The following VWA5B1 variants were observed in gnomAD, a reference collection of about 807,000 sequenced individuals.
VWA5B1 encodes von Willebrand factor A domain-containing protein 5B1.
A neutral mutation model predicts 118.2 loss-of-function variants in VWA5B1; 115 were observed. The ratio of observed to expected loss-of-function variants is 0.97; its 90% CI spans 0.84 to 1.14. The LOEUF (loss-of-function observed/expected upper bound fraction) is 1.14, where lower values mean the gene tolerates loss of function less well. VWA5B1 is among the 50% of genes most tolerant of loss of function. VWA5B1 has a pLI of 0.00. For synonymous variants in VWA5B1, 682 were observed against 658.4 expected (o/e 1.04, Z -0.55); for missense variants, 1,596 against 1,603.8 (o/e 1.00, Z 0.08).
chr1:20,324,830 C>T (rs911425774), intron 8 of VWA5B1, among the ~76,000 whole-genome samples: 4 of 152,184 alleles, frequency 2.6e-5, no homozygotes, highest in Admixed American at 6.5e-5. Context: ...TTTGAAGTCT[C>T]ATGACACAGG....
intron 5 of VWA5B1, 34 bp from the exon 6 acceptor site, chr1:20,318,556 G>A (rs764722404): frequency 1.3e-6 from 2 of 1,550,406 alleles, no homozygotes; most frequent in South Asian, 2.4e-5. Flanking sequence ...GACCTCATGA[G>A]CCTATATCCC....
rs1279204015 is a variant in VWA5B1 at position 20,330,292 on chromosome 1, A to G, written c.1367A>G (p.His456Arg). 1 of 1,551,620 alleles carries G rather than the reference A, an allele frequency of 6.4e-7. No homozygotes were observed. ...WVIRQPVHRGHPRLLFVITDG... is the reference protein window; with the variant it reads ...WVIRQPVHRGRPRLLFVITDG... Reference sequence around the variant, plus strand: ...ATCAGGCAGCCAGTGCACCGAGGCCACCCGCGGCTCCTCTTCGTGATCACA... The same window carrying G: ...ATCAGGCAGCCAGTGCACCGAGGCCGCCCGCGGCTCCTCTTCGTGATCACA... Residue 456 changes from histidine to arginine, a missense_variant, in exon 10 of 22, where the codon CAC becomes CGC. Transcript: ENST00000289815.
intron 13 of VWA5B1, 75 bp downstream of exon 13, chr1:20,336,561 C>T: frequency 7.0e-6 from 9 of 1,278,718 alleles, no homozygotes; most frequent in African/African-American, 1.5e-5. Context: ...TAAAAACCAC[C>T]TCATTGAATA....
At chr1:20,327,710 C>G (rs1357508439) in intron 8 of VWA5B1, among the ~76,000 whole-genome samples, 180 bp from the exon 9 acceptor site, 1 of 151,798 alleles carries the variant, frequency 6.6e-6, no homozygotes, top group East Asian at 1.9e-4. Flanking sequence ...TTGGTCCAGC[C>G]TCTGGTCAGT....
intron 9 of VWA5B1, among the ~76,000 whole-genome samples, chr1:20,328,593 C>T (rs893293489): frequency 1.3e-5 from 2 of 152,104 alleles, no homozygotes. Context: ...CACTTTTCAA[C>T]TAAAAATAAT....
chr1:20,295,968 T>G (rs1468562380), intron 1 of VWA5B1, among the ~76,000 whole-genome samples: 1 of 152,208 alleles, frequency 6.6e-6, no homozygotes, highest in African/African-American at 2.4e-5. Flanking sequence ...GTTCAAGTGA[T>G]TCTCCTGCCT....
At chr1:20,322,818 T>G (rs1249209204) in intron 7 of VWA5B1, among the ~76,000 whole-genome samples, 1 of 152,134 alleles carries the variant, frequency 6.6e-6, no homozygotes, top group African/African-American at 2.4e-5. Context: ...ACTAAGTAAT[T>G]AAGTCCACCT....
At chr1:20,294,549 G>A (rs1185473913) in intron 1 of VWA5B1, among the ~76,000 whole-genome samples, 2 of 152,014 alleles carry the variant, frequency 1.3e-5, no homozygotes, top group Non-Finnish European at 2.9e-5. Context: ...GCATAATCTC[G>A]GCTCACCGCA....
intron 9 of VWA5B1, 140 bp from the exon 10 acceptor site, chr1:20,330,040 G>A: frequency 2.1e-6 from 2 of 933,606 alleles, no homozygotes; most frequent in Non-Finnish European, 1.6e-6. Context: ...TCCTGTGAGT[G>A]TGGGCAGGGA....
chr1:20,352,148 C>A lies in VWA5B1; in HGVS notation c.3117C>A (p.Asn1039Lys), dbSNP rs1460314805. 1 of 1,551,272 alleles carries A rather than the reference C, an allele frequency of 6.4e-7. No homozygotes were observed. Among genetic ancestry groups the A allele is most frequent in the African/African-American group, 1.4e-5 (1 of 73,020 alleles). The change falls in exon 21 of 22, where the codon AAC (asparagine) becomes AAA (lysine). Residue 1039 changes from asparagine (N) to lysine (K), a missense_variant. Coordinates refer to ENST00000289815, the MANE Select transcript of VWA5B1 (RefSeq NM_001039500.3). ...AAGCTGTGGAGTCGACCTCCGGGAA[C>A]CAGAGCTTCGACTACATACCTCTGG... ...LIKAVESTSG[N>K]QSFDYIPLVS... is the part of the protein sequence containing the mutation.
chr1:20,296,938 C>T (rs1487788634), intron 1 of VWA5B1, among the ~76,000 whole-genome samples: 1 of 152,238 alleles, frequency 6.6e-6, no homozygotes, highest in African/African-American at 2.4e-5. Context: ...GAACCATTCA[C>T]TTTTGCCTTT....
At chr1:20,342,946 C>T (rs950341866) in intron 15 of VWA5B1, 133 bp from the exon 16 acceptor site, 8 of 1,422,614 alleles carry the variant, frequency 5.6e-6, no homozygotes, top group Non-Finnish European at 7.4e-6. Context: ...TTGGAGTTGC[C>T]TGTTCCCTGG....
chr1:20,298,569 T>G (rs2088449682), intron 1 of VWA5B1, among the ~76,000 whole-genome samples: 1 of 151,976 alleles, frequency 6.6e-6, no homozygotes, highest in Non-Finnish European at 1.5e-5. Context: ...TATGCACAGT[T>G]CTCTTTCTCA....
At chr1:20,307,626 C>T (rs887086387) in intron 1 of VWA5B1, among the ~76,000 whole-genome samples, 1 of 152,168 alleles carries the variant, frequency 6.6e-6, no homozygotes, top group African/African-American at 2.4e-5. Flanking sequence ...CCCACATTTC[C>T]TCTGCTGCTA....
At chr1:20,305,077 C>T (rs770896251) in intron 1 of VWA5B1, among the ~76,000 whole-genome samples, 5 of 152,090 alleles carry the variant, frequency 3.3e-5, no homozygotes, top group Non-Finnish European at 7.3e-5. Context: ...AGGGATTACA[C>T]CTTGGAGCGT....
chr1:20,316,570 A>G (rs2089016409), intron 4 of VWA5B1, among the ~76,000 whole-genome samples: 1 of 152,190 alleles, frequency 6.6e-6, no homozygotes, highest in East Asian at 1.9e-4. Flanking sequence ...AAGGACATAG[A>G]TTAAAGACCT....
At chr1:20,348,602 C>T (rs2090059165) in intron 18 of VWA5B1, among the ~76,000 whole-genome samples, 2 of 152,182 alleles carry the variant, frequency 1.3e-5, no homozygotes, top group Admixed American at 6.5e-5. Context: ...GGAGCGGCAC[C>T]ACCTCCCTGC....
intron 4 of VWA5B1, among the ~76,000 whole-genome samples, chr1:20,316,135 G>A (rs759692623): frequency 3.3e-5 from 5 of 152,194 alleles, no homozygotes; most frequent in Admixed American, 6.5e-5. Flanking sequence ...AAAACCAGAT[G>A]ATGCCAAGTA....
chr1:20,348,319 C>A lies in VWA5B1; in HGVS notation c.2839C>A (p.Pro947Thr). The A allele has an allele frequency of 6.4e-7, 1 of 1,551,640 alleles. No homozygotes were observed. The change falls in exon 18 of 22, where the codon CCG (proline) becomes ACG (threonine). Residue 947 changes from proline to threonine, a missense_variant. By Grantham distance (38) the Pro-to-Thr change is conservative. Transcript: ENST00000289815. Reference sequence around the variant, plus strand: ...GGGCACCTCTTCTGGCTTTGGAAGGCCGCAGACGATGCTTGGAGAAGATTC... The same window carrying A: ...GGGCACCTCTTCTGGCTTTGGAAGGACGCAGACGATGCTTGGAGAAGATTC... ...WRGTSSGFGR[P>T]QTMLGEDSAP...
Sources: allele counts gnomAD v4.1 joint callset (sites outside exome capture counted in the v4.1 genomes callset), GRCh38; gene constraint gnomAD v4.1.1; transcripts MANE v1.5; gene names NCBI Gene and HGNC (gene_info 2026-07-23, HGNC 2026-07-21).